AMMECR1L: variants seen among roughly 807,000 people sequenced by gnomAD.
The protein encoded by AMMECR1L is AMMECR1-like protein.
AMMECR1L carries 4 observed loss-of-function variants against 36.8 expected under a neutral mutation model. That is an observed-to-expected ratio of 0.11 (90% CI 0.05 to 0.25). The LOEUF is 0.25. Among genes scored for constraint, AMMECR1L ranks in the 10% least tolerant of loss-of-function variants. The pLI, the probability that AMMECR1L is intolerant of heterozygous loss-of-function variation, is 1.00. For synonymous variants in AMMECR1L, 147 were observed against 148.0 expected (o/e 0.99, Z 0.05); for missense variants, 232 against 392.1 (o/e 0.59, Z 3.45).
Position 127,865,136 on chromosome 2 carries a change from G to C in AMMECR1L, c.891C>G (p.Asn297Lys). Residue 297 changes from asparagine to lysine, a missense_variant, in exon 8 of 8, where the codon AAC becomes AAG. By Grantham distance (94) the Asn-to-Lys change is moderately conservative. Coordinates refer to ENST00000272647, the MANE Select transcript of AMMECR1L (RefSeq NM_001199140.2). This position sits in a 1 kb window ranked among gnomAD's most constrained non-coding sequence, Gnocchi z 5.4. Reference protein sequence around the residue: ...YIASRQHCFQNGTLHAPPLYN... With the variant: ...YIASRQHCFQKGTLHAPPLYN... ...AGAGGGGCGGGGCATGAAGAGTGCC[G>C]TTCTGGAAACAGTGCTGTCGGGAAG... 1 of 1,613,886 alleles carries C rather than the reference G, an allele frequency of 6.2e-7. No homozygotes were observed. Among genetic ancestry groups the C allele is most frequent in the East Asian group, 2.2e-5 (1 of 44,864 alleles).
intron 5 of AMMECR1L, 126 bp downstream of exon 5, chr2:127,870,688 A>G (rs1484366901): frequency 2.9e-6 from 2 of 680,290 alleles, no homozygotes; most frequent in East Asian, 2.9e-5. Flanking sequence ...GTTGCCCACA[A>G]TTGGTTCCAA....
rs1191549411 is a variant in AMMECR1L, at chr2:127,874,884, C to T, written c.-38-612G>A. On this transcript the variant is annotated intron_variant, in intron 2 of 7. Transcript: ENST00000272647. This position sits in a 1 kb window ranked among gnomAD's most constrained non-coding sequence, Gnocchi z 5.2. ...CTCTGCAGCTCTCCTCCTCCAGCCCCCTCATTCTCTTTGGTTCCCCTCTGA... is the reference window on the plus strand; with the variant it reads ...CTCTGCAGCTCTCCTCCTCCAGCCCTCTCATTCTCTTTGGTTCCCCTCTGA... Among the ~76,000 whole-genome samples the T allele has an allele frequency of 6.6e-6, 1 of 152,212 alleles. No individual in the cohort carries two copies. The highest frequency in any genetic ancestry group is 2.4e-5 in the African/African-American group (1 of 41,448).
At chr2:127,878,538 T>C (rs1274558859) in intron 2 of AMMECR1L, among the ~76,000 whole-genome samples, 2 of 152,230 alleles carry the variant, frequency 1.3e-5, no homozygotes, top group Non-Finnish European at 2.9e-5. Flanking sequence ...CTCTTCCAGG[T>C]GGTATCAGCC....
At position 127,874,406 on chromosome 2, in the gene AMMECR1L, C is replaced by G; in HGVS notation, c.-38-134G>C. The G allele has an allele frequency of 1.2e-6, 1 of 822,992 alleles. No homozygotes were observed. Among genetic ancestry groups the G allele is most frequent in the Non-Finnish European group, 1.8e-6 (1 of 541,848 alleles). 51.0% of individuals were successfully genotyped at this position (822,992 alleles called of 1,614,324 possible). On this transcript the variant is annotated intron_variant, in intron 2 of 7. Transcript: ENST00000272647. This position sits in a 1 kb window ranked among gnomAD's most constrained non-coding sequence, Gnocchi z 5.2. ...TTTCTCCCACTCAACCTCCAGGTCA[C>G]AGACCAGGAGAAGAAACCCCTAACC...
rs1386133415 is a variant in AMMECR1L, at chr2:127,861,767, A to G, written c.*3327T>C. The G allele has an allele frequency of 6.6e-6, 1 of 152,248 alleles. No individual in the cohort carries two copies. Among genetic ancestry groups the G allele is most frequent in the East Asian group, 1.9e-4 (1 of 5,206 alleles). 9.4% of individuals were successfully genotyped at this position (152,248 alleles called of 1,614,324 possible). A position where few individuals can be genotyped will look rare whatever the true frequency, so the allele number is the denominator to read the frequency against. On this transcript the variant is annotated 3_prime_UTR_variant, in exon 8 of 8. Transcript: ENST00000272647. ...GAAGTCTTTGCACTGAAGGCCATAT[A>G]GTCTCTTGCTTCAGGGAAGTAAGAA...
At chr2:127,885,772 A>G (rs1691751731) in intron 1 of AMMECR1L, 38 bp downstream of exon 1, 1 of 984,194 alleles carries the variant, frequency 1.0e-6, no homozygotes, top group Non-Finnish European at 1.2e-6. Flanking sequence ...CTGGCCCGGC[A>G]GCGGGGAGAA....
At chr2:127,870,424 G>A (rs1022155589) in intron 5 of AMMECR1L, among the ~76,000 whole-genome samples, 5 of 151,972 alleles carry the variant, frequency 3.3e-5, no homozygotes, top group Non-Finnish European at 5.9e-5. Context: ...GCAGTAAGCC[G>A]AGATCACGTC....
chr2:127,863,445 A>AACTTGCCAGCGATGCCTAGAACAGC lies in AMMECR1L; in HGVS notation c.*1624_*1648dup, dbSNP rs1462551026. Reference sequence around the variant, plus strand: ...TCACCCTTGCCCATCCCTTCCCACAAACTTGCCAGCGATGCCTAGAACAGC... The same window carrying AACTTGCCAGCGATGCCTAGAACAGC: ...TCACCCTTGCCCATCCCTTCCCACAAACTTGCCAGCGATGCCTAGAACAGCACTTGCCAGCGATGCCTAGAACAGC... On this transcript the variant is annotated 3_prime_UTR_variant, in exon 8 of 8. Transcript: ENST00000272647. 1.3e-5 allele frequency: 2 copies of AACTTGCCAGCGATGCCTAGAACAGC among 152,228 alleles called. No individual in the cohort carries two copies. Among genetic ancestry groups the AACTTGCCAGCGATGCCTAGAACAGC allele is most frequent in the East Asian group, 1.9e-4 (1 of 5,194 alleles). 9.4% of individuals were successfully genotyped at this position (152,228 alleles called of 1,614,324 possible). A position where few individuals can be genotyped will look rare whatever the true frequency, so the allele number is the denominator to read the frequency against.
chr2:127,876,664 T>A (rs893384059), intron 2 of AMMECR1L, among the ~76,000 whole-genome samples: 1 of 152,104 alleles, frequency 6.6e-6, no homozygotes, highest in African/African-American at 2.4e-5. Context: ...CTCAGTTTAC[T>A]CAAAACAGGA....
Position 127,863,160 on chromosome 2 carries a change from G to C in AMMECR1L, c.*1934C>G, listed in dbSNP as rs1673322554. The C allele has an allele frequency of 6.6e-6, 1 of 152,532 alleles. No homozygotes were observed. The highest frequency in any genetic ancestry group is 1.9e-4 in the East Asian group (1 of 5,184). 9.4% of individuals were successfully genotyped at this position (152,532 alleles called of 1,614,324 possible). The stretch of plus-strand genomic sequence containing the variant: ...GTACAAATTGGAGGTGGGTGGCTTA[G>C]TCCAGAGCTGACCACCCTGACATCG... On this transcript the variant is annotated 3_prime_UTR_variant, in exon 8 of 8. Transcript: ENST00000272647.
chr2:127,885,328 T>C, intron 1 of AMMECR1L: 1 of 967,984 alleles, frequency 1.0e-6, no homozygotes, highest in Non-Finnish European at 1.2e-6. Flanking sequence ...TCCGGGGCGC[T>C]GGGGAGTTGG....
intron 2 of AMMECR1L, among the ~76,000 whole-genome samples, chr2:127,882,483 C>G (rs1054677205): frequency 6.6e-6 from 1 of 152,210 alleles, no homozygotes. Context: ...CACATACATT[C>G]TGGTAACCAT....
In AMMECR1L at chr2:127,874,348, G is replaced by A; in HGVS notation, c.-38-76C>T. ...GAGGAAAAAACATCAAAGATAGAGA[G>A]TCTGCATTGACCAGCTAAGAGCTGT... On this transcript the variant is annotated intron_variant, in intron 2 of 7. Coordinates refer to ENST00000272647, the MANE Select transcript of AMMECR1L (RefSeq NM_001199140.2). This position sits in a 1 kb window ranked among gnomAD's most constrained non-coding sequence, Gnocchi z 5.2. The A allele has an allele frequency of 7.3e-7, 1 of 1,368,482 alleles. No homozygotes were observed. The highest frequency in any genetic ancestry group is 2.6e-5 in the Admixed American group (1 of 38,212). The allele number at this position is 1,368,482 out of a possible 1,614,324, so 84.8% of individuals were successfully genotyped here. A position where few individuals can be genotyped will look rare whatever the true frequency, so the allele number is the denominator to read the frequency against.
intron 7 of AMMECR1L, 76 bp downstream of exon 7, chr2:127,866,824 C>T: frequency 7.4e-7 from 1 of 1,357,240 alleles, no homozygotes; most frequent in Non-Finnish European, 1.0e-6. Context: ...AACACTTCTT[C>T]TCCATCCCAT....
Position 127,873,325 on chromosome 2 carries a change from C to A in AMMECR1L, c.407+503G>T, listed in dbSNP as rs960240252. The A allele has an allele frequency of 4.1e-6, 4 of 985,340 alleles. No homozygotes were observed. The African/African-American group carries it at 7.0e-5, about 17-fold the overall frequency. 61.0% of individuals were successfully genotyped at this position (985,340 alleles called of 1,614,324 possible). ...CTAAAAATACTGAAGCAGATTCTGA[C>A]TTCTTGATGGGATGTGAGTGGCCCT... is the stretch of plus-strand genomic sequence containing the variant. On this transcript the variant is annotated intron_variant, in intron 3 of 7. Coordinates refer to ENST00000272647, the MANE Select transcript of AMMECR1L (RefSeq NM_001199140.2). The surrounding 1 kb of genome is among the most constrained non-coding windows in gnomAD (Gnocchi z 5.2).
chr2:127,874,334 A>G lies in AMMECR1L; in HGVS notation c.-38-62T>C, dbSNP rs1377941477. 2 of 1,459,516 alleles carry G rather than the reference A, an allele frequency of 1.4e-6. No individual in the cohort carries two copies. Among genetic ancestry groups the G allele is most frequent in the Non-Finnish European group, 1.8e-6 (2 of 1,088,198 alleles). 90.4% of individuals were successfully genotyped at this position (1,459,516 alleles called of 1,614,324 possible). On this transcript the variant is annotated intron_variant, in intron 2 of 7. Transcript: ENST00000272647. The surrounding 1 kb of genome is among the most constrained non-coding windows in gnomAD (Gnocchi z 5.2). ...GTTAGTTAAAAGGAGAGGAAAAAAC[A>G]TCAAAGATAGAGAGTCTGCATTGAC...
rs539193822 is a variant in AMMECR1L at position 127,871,242 on chromosome 2, T to C, written c.518+7A>G. ...TATCTACAGTTCTTAATGTCTGGTG[T>C]CATTACCTGGTTAACGTGTATTCCC... On this transcript the variant is annotated splice_region_variant and intron_variant, in intron 4 of 7. Coordinates refer to ENST00000272647, the MANE Select transcript of AMMECR1L (RefSeq NM_001199140.2). This position sits in a 1 kb window ranked among gnomAD's most constrained non-coding sequence, Gnocchi z 4.3. 6.2e-6 allele frequency: 10 copies of C among 1,612,432 alleles called. No individual in the cohort carries two copies. In the South Asian group the frequency reaches 1.1e-4, roughly 18 times the overall value.
chr2:127,861,978 C>T lies in AMMECR1L; in HGVS notation c.*3116G>A, dbSNP rs1192290022. 6.6e-6 allele frequency: 1 copy of T among 152,570 alleles called. No individual in the cohort carries two copies. The highest frequency in any genetic ancestry group is 1.5e-5 in the Non-Finnish European group (1 of 68,038). 9.5% of individuals were successfully genotyped at this position (152,570 alleles called of 1,614,324 possible). ...ATAAACAATAAAATATATGTAATGTCTCAACTACAAACCTTTCATGTTGAA... is the reference window on the plus strand; with the variant it reads ...ATAAACAATAAAATATATGTAATGTTTCAACTACAAACCTTTCATGTTGAA... On this transcript the variant is annotated 3_prime_UTR_variant, in exon 8 of 8. Coordinates refer to ENST00000272647, the MANE Select transcript of AMMECR1L (RefSeq NM_001199140.2).
intron 1 of AMMECR1L, chr2:127,885,293 G>A (rs1020939693): frequency 1.0e-6 from 1 of 984,602 alleles, no homozygotes; most frequent in Admixed American, 6.2e-5. Context: ...TGAAAGGTGA[G>A]AAACGAGGGT....
Sources: allele counts gnomAD v4.1 joint callset (sites outside exome capture counted in the v4.1 genomes callset), GRCh38; gene constraint gnomAD v4.1.1; non-coding constraint Gnocchi (gnomAD v3.1); transcripts MANE v1.5; gene names NCBI Gene and HGNC (gene_info 2026-07-23, HGNC 2026-07-21).